Variants in MACROD2 observed in about 807,000 individuals in gnomAD.
MACROD2 encodes ADP-ribose glycohydrolase MACROD2.
A neutral mutation model predicts 70.4 loss-of-function variants in MACROD2; 36 were observed. The observed-to-expected ratio is 0.51, with a 90% CI of 0.39 to 0.68. The LOEUF is 0.68. MACROD2 is among the 30% of genes least tolerant of loss of function. MACROD2 has a pLI of 0.00. For synonymous variants in MACROD2, 172 were observed against 178.8 expected (o/e 0.96, Z 0.30); for missense variants, 496 against 538.4 (o/e 0.92, Z 0.78).
At chr20:14,041,142 A>T (rs1323796140) in intron 2 of MACROD2, among the ~76,000 whole-genome samples, 1 of 152,206 alleles carries the variant, frequency 6.6e-6, no homozygotes, top group Non-Finnish European at 1.5e-5. Flanking sequence ...TGTAGATTGC[A>T]AATTTTTATA....
At chr20:15,030,080 CAAAAAAAAA>C (rs75395660) in intron 5 of MACROD2, among the ~76,000 whole-genome samples, 1 of 77,052 alleles carries the variant, frequency 1.3e-5, no homozygotes, top group Admixed American at 1.4e-4. Flanking sequence ...ACTCCGTCTC[CAAAAAAAAA>C]AAAAAAAAAA....
intron 3 of MACROD2, among the ~76,000 whole-genome samples, chr20:14,157,797 T>C (rs1202768084): frequency 6.6e-6 from 1 of 152,170 alleles, no homozygotes; most frequent in Non-Finnish European, 1.5e-5. Context: ...CCATTGTGTA[T>C]AGCCACATTT....
chr20:14,846,672 C>G (rs2073145045), intron 5 of MACROD2, among the ~76,000 whole-genome samples: 1 of 151,964 alleles, frequency 6.6e-6, no homozygotes, highest in Non-Finnish European at 1.5e-5. Context: ...CGCCCGCCAC[C>G]ACGCCTGGCT....
chr20:15,259,870 C>T (rs751208146), intron 6 of MACROD2, among the ~76,000 whole-genome samples: 4 of 151,786 alleles, frequency 2.6e-5, no homozygotes, highest in Non-Finnish European at 5.9e-5. Flanking sequence ...CAGGATGCTT[C>T]TGAAAGAAGC....
chr20:14,230,654 T>TATATATATATATATATATATATATATAAA, intron 3 of MACROD2, among the ~76,000 whole-genome samples: 26 of 74,232 alleles, frequency 3.5e-4, no homozygotes, highest in African/African-American at 1.6e-3. Flanking sequence ...TATATATATA[T>TATATATATATATATATATATATATATAAA]AACACAGGCT....
chr20:14,292,234 T>G (rs2082392385), intron 3 of MACROD2, among the ~76,000 whole-genome samples: 1 of 151,948 alleles, frequency 6.6e-6, no homozygotes, highest in South Asian at 2.1e-4. Flanking sequence ...AGCTAGAAGA[T>G]GAAGCACTAC....
chr20:15,979,800 T>A (rs190676722), intron 13 of MACROD2, among the ~76,000 whole-genome samples: 1 of 152,166 alleles, frequency 6.6e-6, no homozygotes, highest in African/African-American at 2.4e-5. Context: ...CTAAAAGTAA[T>A]CAAGAGTTGG....
intron 5 of MACROD2, among the ~76,000 whole-genome samples, chr20:14,718,274 CAGAG>C (rs1185615808): frequency 3.8e-5 from 4 of 103,948 alleles, no homozygotes; most frequent in African/African-American, 1.5e-4. Flanking sequence ...GCCTGGGCGA[CAGAG>C]AGAGACTCTG....
intron 15 of MACROD2, among the ~76,000 whole-genome samples, chr20:16,019,538 G>A (rs540987486): frequency 6.6e-6 from 1 of 152,312 alleles, no homozygotes; most frequent in South Asian, 2.1e-4. Context: ...GGAGTTCTGA[G>A]TTGGAGGGAG....
At chr20:14,077,894 C>CTTTTTTTTTTTTTTTT (rs58677755) in intron 2 of MACROD2, among the ~76,000 whole-genome samples, 4 of 120,502 alleles carry the variant, frequency 3.3e-5, no homozygotes, top group Non-Finnish European at 5.3e-5. Context: ...AAAGGTTTTT[C>CTTTTTTTTTTTTTTTT]TTTTTTTTTT....
In MACROD2 at chr20:16,041,225, T is replaced by G; in HGVS notation, c.1178T>G (p.Met393Arg). Reference protein sequence around the residue: ...EKAPGEDTPRMPGKSEGSSDL... With the variant: ...EKAPGEDTPRRPGKSEGSSDL... ...GCTCCAGGCGAGGACACACCTAGGA[T>G]GCCTGGGAAAAGTGAAGGCTCCAGT... Residue 393 changes from methionine to arginine, a missense_variant, in exon 16 of 18, where the codon ATG becomes AGG. Physicochemically the swap from Met to Arg is moderately conservative, Grantham distance 91. Coordinates refer to ENST00000684519, the MANE Select transcript of MACROD2 (RefSeq NM_001351661.2). 1 of 1,612,178 alleles carries G rather than the reference T, an allele frequency of 6.2e-7. No individual in the cohort carries two copies. Among genetic ancestry groups the G allele is most frequent in the Non-Finnish European group, 8.5e-7 (1 of 1,178,966 alleles).
At chr20:15,508,353 A>G (rs74684980) in intron 8 of MACROD2, among the ~76,000 whole-genome samples, 1 of 152,068 alleles carries the variant, frequency 6.6e-6, no homozygotes, top group Non-Finnish European at 1.5e-5. Flanking sequence ...AGGGTAATTC[A>G]TATATACTGC....
intron 8 of MACROD2, among the ~76,000 whole-genome samples, chr20:15,745,415 G>C (rs1199002980): frequency 6.6e-6 from 1 of 152,114 alleles, no homozygotes; most frequent in African/African-American, 2.4e-5. Context: ...TTCGACTGAA[G>C]TGCTTTTTCA....
intron 5 of MACROD2, among the ~76,000 whole-genome samples, chr20:15,211,638 T>C (rs898831709): frequency 5.3e-5 from 8 of 152,144 alleles, no homozygotes; most frequent in African/African-American, 1.9e-4. Context: ...CCATGTGGCA[T>C]ACTAGCTCCC....
chr20:15,201,674 C>G (rs1196165580), intron 5 of MACROD2, among the ~76,000 whole-genome samples: 2 of 152,154 alleles, frequency 1.3e-5, no homozygotes, highest in African/African-American at 2.4e-5. Flanking sequence ...AAGGATTTGA[C>G]AGGTTAATTA....
chr20:14,830,576 A>G lies in MACROD2; in HGVS notation c.418+145617A>G, dbSNP rs533506270. ...TGTGCACATAGCACTAGAAAAATCAATAAGTAATCTAGATATTGATTTACT... is the reference window on the plus strand; with the variant it reads ...TGTGCACATAGCACTAGAAAAATCAGTAAGTAATCTAGATATTGATTTACT... On this transcript the variant is annotated intron_variant, in intron 5 of 17. Transcript: ENST00000684519. Among the ~76,000 whole-genome samples the G allele has an allele frequency of 5.9e-5, 9 of 152,300 alleles. No individual in the cohort carries two copies. The South Asian group carries it at 1.0e-3, about 18-fold the overall frequency.
chr20:15,715,135 T>G (rs1033985179), intron 8 of MACROD2, among the ~76,000 whole-genome samples: 9 of 152,172 alleles, frequency 5.9e-5, no homozygotes, highest in Admixed American at 5.9e-4. Flanking sequence ...TGTTGGGATT[T>G]AATTTTATGT....
intron 3 of MACROD2, among the ~76,000 whole-genome samples, chr20:14,467,427 C>T (rs571099439): frequency 7.9e-5 from 12 of 152,116 alleles, no homozygotes; most frequent in Non-Finnish European, 1.0e-4. Flanking sequence ...TTCCAGGTGC[C>T]ATCTGTCACC....
chr20:15,869,163 A>G (rs1341813260), intron 9 of MACROD2, among the ~76,000 whole-genome samples: 4 of 147,794 alleles, frequency 2.7e-5, no homozygotes, highest in Admixed American at 1.4e-4. Context: ...TGAAATTTAT[A>G]TAACGTATAC....
Sources: allele counts gnomAD v4.1 joint callset (sites outside exome capture counted in the v4.1 genomes callset), GRCh38; gene constraint gnomAD v4.1.1; transcripts MANE v1.5; gene names NCBI Gene and HGNC (gene_info 2026-07-23, HGNC 2026-07-21).